The following TRPC5 variants were observed in gnomAD, a reference collection of about 807,000 sequenced individuals.
TRPC5 encodes transient receptor potential cation channel subfamily C member 5.
Under a neutral mutation model 56.5 loss-of-function variants are expected in TRPC5, and 9 were observed. The observed-to-expected ratio is 0.16, with a 90% confidence interval of 0.10 to 0.28. TRPC5 has a LOEUF of 0.28. Ranked by LOEUF, TRPC5 falls within the 10% of genes least tolerant of loss-of-function variation. TRPC5 has a pLI of 1.00. For synonymous variants in TRPC5, 282 were observed against 278.5 expected (o/e 1.01, Z -0.13); for missense variants, 469 against 748.9 (o/e 0.63, Z 4.36).
At chrX:111,929,805 TTGAG>T (rs1390893499) in intron 2 of TRPC5, among the ~76,000 whole-genome samples, 2 of 112,442 alleles carry the variant, frequency 1.8e-5, no homozygotes, top group Admixed American at 9.4e-5. Context: ...TATAGAGAGA[TTGAG>T]TATTTGTCTC....
chrX:111,856,538 AAATAATAATAAT>A (rs750089190), intron 3 of TRPC5, among the ~76,000 whole-genome samples: 5 of 95,177 alleles, frequency 5.3e-5, no homozygotes, highest in Admixed American at 1.1e-4. Flanking sequence ...GCCCTGTCTC[AAATAATAATAAT>A]AATAATAATA....
In TRPC5 at chrX:111,913,013, T is replaced by A. The variant is rs150555331; in HGVS notation, c.379-201A>T. The stretch of plus-strand genomic sequence containing the variant: ...CAGGCACTATTCTAAGCACATTACA[T>A]GTCTTTACTCATTTAATCTCCACAA... On this transcript the variant is annotated intron_variant, in intron 2 of 10. Coordinates refer to ENST00000262839, the MANE Select transcript of TRPC5 (RefSeq NM_012471.3). 7.6e-3 allele frequency among the ~76,000 whole-genome samples: 851 copies of A among 111,997 alleles called. 5 individuals are homozygous for A. The highest frequency in any genetic ancestry group is 0.022 in the African/African-American group (691 of 30,809).
chrX:111,820,496 A>G (rs777703186), intron 7 of TRPC5, among the ~76,000 whole-genome samples: 1 of 112,361 alleles, frequency 8.9e-6, no homozygotes, highest in African/African-American at 3.2e-5. Context: ...TAAAAATAAT[A>G]TTTTTGACAC....
At chrX:111,834,357 GA>G (rs1263002930) in intron 7 of TRPC5, among the ~76,000 whole-genome samples, 1 of 111,816 alleles carries the variant, frequency 8.9e-6, no homozygotes, top group Non-Finnish European at 1.9e-5. Flanking sequence ...TAGGGAGGCT[GA>G]GGTGGGAGGA....
At chrX:111,845,793 C>T (rs1488903701) in intron 6 of TRPC5, among the ~76,000 whole-genome samples, 2 of 112,101 alleles carry the variant, frequency 1.8e-5, no homozygotes, top group Non-Finnish European at 3.8e-5. Flanking sequence ...GTTATACACT[C>T]CTGGTTGGCT....
intron 3 of TRPC5, among the ~76,000 whole-genome samples, chrX:111,878,431 T>C (rs1924059555): frequency 8.9e-6 from 1 of 111,827 alleles, no homozygotes; most frequent in African/African-American, 3.3e-5. Flanking sequence ...ATGGATTATT[T>C]AGTAAACCAC....
At chrX:112,065,182 C>T (rs929620974) in intron 1 of TRPC5, among the ~76,000 whole-genome samples, 1 of 111,215 alleles carries the variant, frequency 9.0e-6, no homozygotes, top group Non-Finnish European at 1.9e-5. Flanking sequence ...TTTCTTATAT[C>T]TCTCTCCTGA....
At chrX:112,036,973 T>C (rs188350021) in intron 1 of TRPC5, among the ~76,000 whole-genome samples, 2 of 111,721 alleles carry the variant, frequency 1.8e-5, no homozygotes, top group Non-Finnish European at 3.8e-5. Flanking sequence ...ACTCTACTAA[T>C]GATCAAGGCA....
intron 2 of TRPC5, among the ~76,000 whole-genome samples, chrX:111,942,954 A>G (rs1926820396): frequency 8.9e-6 from 1 of 111,860 alleles, no homozygotes; most frequent in Non-Finnish European, 1.9e-5. Flanking sequence ...TTAATGAATA[A>G]ATGACATTAG....
At chrX:111,793,615 G>T (rs1946039509) in intron 7 of TRPC5, among the ~76,000 whole-genome samples, 1 of 111,443 alleles carries the variant, frequency 9.0e-6, no homozygotes, top group Non-Finnish European at 1.9e-5. Context: ...GTGTAAAATG[G>T]TATAGCCACT....
At chrX:111,915,555 G>A (rs1280871621) in intron 2 of TRPC5, among the ~76,000 whole-genome samples, 1 of 111,908 alleles carries the variant, frequency 8.9e-6, no homozygotes, top group African/African-American at 3.3e-5. Flanking sequence ...TTAACTTTGA[G>A]CTTATCTCTT....
chrX:111,830,439 G>A (rs1922375646), intron 7 of TRPC5, among the ~76,000 whole-genome samples: 1 of 111,672 alleles, frequency 9.0e-6, no homozygotes, highest in Admixed American at 9.5e-5. Flanking sequence ...CATGAGATTT[G>A]GGAGGGGCCA....
At chrX:111,829,568 G>T (rs1055178264) in intron 7 of TRPC5, among the ~76,000 whole-genome samples, 1 of 112,175 alleles carries the variant, frequency 8.9e-6, no homozygotes, top group Non-Finnish European at 1.9e-5. Flanking sequence ...CCACCTTGCT[G>T]TATGCAGCCT....
intron 7 of TRPC5, among the ~76,000 whole-genome samples, chrX:111,815,549 C>T (rs770458003): frequency 2.6e-4 from 29 of 110,405 alleles, no homozygotes; most frequent in African/African-American, 9.2e-4. Context: ...GGTGAAACCC[C>T]GTCTCTACTA....
intron 2 of TRPC5, among the ~76,000 whole-genome samples, chrX:111,939,116 T>C (rs1443695381): frequency 8.9e-6 from 1 of 112,126 alleles, no homozygotes; most frequent in Non-Finnish European, 1.9e-5. Flanking sequence ...GAATGGATGC[T>C]GAAGGTTATC....
rs1202912083 is a variant in TRPC5, at chrX:111,905,914, C to CAAAAAA, written c.900+6371_900+6376dup. 3.5e-3 allele frequency among the ~76,000 whole-genome samples: 130 copies of CAAAAAA among 36,924 alleles called. 3 individuals carry two copies. Among genetic ancestry groups the CAAAAAA allele is most frequent in the African/African-American group, 0.015 (126 of 8,541 alleles). 32.1% of individuals were successfully genotyped at this position (36,924 alleles called of 115,157 possible). ...TGGGCGACAGAGCGAGTCTCTGTCTCAAAAAAAAAAAAAAAAAGAAAGAAA... is the reference window on the plus strand; with the variant it reads ...TGGGCGACAGAGCGAGTCTCTGTCTCAAAAAAAAAAAAAAAAAAAAAAAGAAAGAAA... On this transcript the variant is annotated intron_variant, in intron 3 of 10. Transcript: ENST00000262839.
chrX:111,814,161 A>G (rs1921792571), intron 7 of TRPC5, among the ~76,000 whole-genome samples: 1 of 112,031 alleles, frequency 8.9e-6, no homozygotes, highest in Admixed American at 9.5e-5. Flanking sequence ...AAAAATATAC[A>G]GGAGTCTTCA....
intron 3 of TRPC5, among the ~76,000 whole-genome samples, chrX:111,908,339 G>A (rs1049562065): frequency 3.6e-5 from 4 of 111,478 alleles, no homozygotes; most frequent in Non-Finnish European, 5.7e-5. Flanking sequence ...TCTAATCATC[G>A]TGGCTTAGTT....
intron 1 of TRPC5, among the ~76,000 whole-genome samples, chrX:111,960,093 A>G (rs1231927216): frequency 8.9e-6 from 1 of 112,293 alleles, no homozygotes; most frequent in Non-Finnish European, 1.9e-5. Flanking sequence ...CTCAATAGCT[A>G]CATGTGGCTC....
Sources: allele counts gnomAD v4.1 joint callset (sites outside exome capture counted in the v4.1 genomes callset), GRCh38; gene constraint gnomAD v4.1.1; transcripts MANE v1.5; gene names NCBI Gene and HGNC (gene_info 2026-07-23, HGNC 2026-07-21).